PSTPIP2: variants seen among roughly 807,000 people sequenced by gnomAD.
PSTPIP2 encodes proline-serine-threonine phosphatase interacting protein 2.
PSTPIP2 carries 33 observed loss-of-function variants against 63.3 expected under a neutral mutation model. The ratio of observed to expected loss-of-function variants is 0.52; its 90% CI spans 0.40 to 0.70. The LOEUF is 0.70. PSTPIP2 is among the 30% of genes least tolerant of loss of function. PSTPIP2 has a pLI of 0.00. For synonymous variants in PSTPIP2, 125 were observed against 132.7 expected (o/e 0.94, Z 0.40); for missense variants, 312 against 400.7 (o/e 0.78, Z 1.89).
At chr18:46,064,398 C>A (rs1332654384) in intron 1 of PSTPIP2, among the ~76,000 whole-genome samples, 1 of 141,446 alleles carries the variant, frequency 7.1e-6, no homozygotes, top group East Asian at 2.3e-4. Flanking sequence ...CCAGGCGATT[C>A]TCCTGCCACA....
chr18:46,045,389 T>C (rs1908347159), intron 1 of PSTPIP2, among the ~76,000 whole-genome samples: 1 of 152,178 alleles, frequency 6.6e-6, no homozygotes, highest in Non-Finnish European at 1.5e-5. Flanking sequence ...GAAATCATCA[T>C]TCTCAGTAAA....
intron 1 of PSTPIP2, among the ~76,000 whole-genome samples, chr18:46,065,532 T>C (rs572072379): frequency 6.6e-6 from 1 of 152,090 alleles, no homozygotes; most frequent in Non-Finnish European, 1.5e-5. Flanking sequence ...GGTGGTGTGA[T>C]CTTGGCTCAC....
At chr18:46,070,248 A>G (rs1412237406) in intron 1 of PSTPIP2, among the ~76,000 whole-genome samples, 2 of 152,142 alleles carry the variant, frequency 1.3e-5, no homozygotes. Context: ...CAAACCCTGC[A>G]TGTCACCCAC....
chr18:46,023,104 G>A (rs1907433925), intron 3 of PSTPIP2, among the ~76,000 whole-genome samples: 1 of 152,182 alleles, frequency 6.6e-6, no homozygotes, highest in African/African-American at 2.4e-5. Flanking sequence ...ACACACACTG[G>A]TGCCTATCAG....
intron 1 of PSTPIP2, among the ~76,000 whole-genome samples, chr18:46,065,910 G>A (rs577103111): frequency 6.6e-6 from 1 of 151,940 alleles, no homozygotes; most frequent in South Asian, 2.1e-4. Context: ...CCAAAGTTAC[G>A]ATATTTTAAT....
intron 1 of PSTPIP2, among the ~76,000 whole-genome samples, chr18:46,050,344 C>A (rs1019534425): frequency 6.6e-6 from 1 of 152,004 alleles, no homozygotes; most frequent in African/African-American, 2.4e-5. Context: ...CCAAGGTGGG[C>A]GGTTCACTTG....
intron 1 of PSTPIP2, among the ~76,000 whole-genome samples, chr18:46,043,847 C>T (rs536275406): frequency 6.4e-4 from 97 of 151,456 alleles, no homozygotes; most frequent in South Asian, 2.5e-3. Context: ...TTCTATATAC[C>T]GGTGGAAAAA....
intron 6 of PSTPIP2, among the ~76,000 whole-genome samples, chr18:46,004,657 T>C (rs2051705424): frequency 6.6e-6 from 1 of 152,214 alleles, no homozygotes; most frequent in South Asian, 2.1e-4. Context: ...TGCTATATTT[T>C]CTCGGGTTAC....
intron 4 of PSTPIP2, among the ~76,000 whole-genome samples, chr18:46,014,628 G>A (rs566463164): frequency 6.6e-6 from 1 of 152,102 alleles, no homozygotes; most frequent in Non-Finnish European, 1.5e-5. Flanking sequence ...CTGGAGGATC[G>A]CTTAACCCTG....
At chr18:46,060,839 G>T (rs115581010) in intron 1 of PSTPIP2, among the ~76,000 whole-genome samples, 2 of 152,294 alleles carry the variant, frequency 1.3e-5, no homozygotes, top group African/African-American at 4.8e-5. Flanking sequence ...CTTAGTTTCT[G>T]CAGGGAAGGG....
At chr18:45,997,054 C>T (rs2051603429) in intron 9 of PSTPIP2, among the ~76,000 whole-genome samples, 1 of 152,222 alleles carries the variant, frequency 6.6e-6, no homozygotes, top group Non-Finnish European at 1.5e-5. Context: ...CTATTCTATG[C>T]TTGTGCTAAC....
chr18:46,066,522 G>A (rs1021566698), intron 1 of PSTPIP2, among the ~76,000 whole-genome samples: 7 of 152,142 alleles, frequency 4.6e-5, no homozygotes, highest in South Asian at 2.1e-4. Context: ...CTGAGATTAC[G>A]TGGGGAATGG....
At chr18:46,045,278 C>T (rs371411097) in intron 1 of PSTPIP2, among the ~76,000 whole-genome samples, 50 of 152,236 alleles carry the variant, frequency 3.3e-4, no homozygotes, top group African/African-American at 1.2e-3. Flanking sequence ...CCAACAATGA[C>T]AGACTGGATT....
At chr18:46,046,556 G>A (rs116252575) in intron 1 of PSTPIP2, among the ~76,000 whole-genome samples, 1 of 152,290 alleles carries the variant, frequency 6.6e-6, no homozygotes, top group African/African-American at 2.4e-5. Context: ...CCTTCCAAGT[G>A]ACTTGGAATG....
intron 14 of PSTPIP2, 105 bp from the exon 15 acceptor site, chr18:45,985,555 A>G: frequency 6.8e-6 from 8 of 1,173,622 alleles, no homozygotes; most frequent in Non-Finnish European, 9.8e-6. Context: ...CAGGCCAAGG[A>G]AAACAAATGG....
chr18:46,057,922 C>T (rs1164454090), intron 1 of PSTPIP2, among the ~76,000 whole-genome samples: 2 of 149,532 alleles, frequency 1.3e-5, no homozygotes, highest in Non-Finnish European at 3.0e-5. Context: ...GGCGTGAACC[C>T]GGGAGGCGGA....
At chr18:46,052,567 T>TA (rs34500084) in intron 1 of PSTPIP2, among the ~76,000 whole-genome samples, 26,613 of 150,264 alleles carry the variant, frequency 0.18, 2,323 homozygotes, top group East Asian at 0.25. Context: ...AATGTTAATT[T>TA]AAAAAAAAAA....
chr18:45,997,915 A>G (rs1033922877), intron 8 of PSTPIP2, 87 bp from the exon 9 acceptor site: 75 of 1,158,338 alleles, frequency 6.5e-5, no homozygotes, highest in Middle Eastern at 3.9e-4. Flanking sequence ...AGATGGCAAA[A>G]GAAACTCATC....
chr18:45,988,582 A>T (rs1599690512), intron 14 of PSTPIP2, 120 bp downstream of exon 14: 1 of 821,316 alleles, frequency 1.2e-6, no homozygotes, highest in East Asian at 2.6e-5. Flanking sequence ...TGGCCAGTGT[A>T]CCTGCCTCAT....
Sources: allele counts gnomAD v4.1 joint callset (sites outside exome capture counted in the v4.1 genomes callset), GRCh38; gene constraint gnomAD v4.1.1; transcripts MANE v1.5; gene names NCBI Gene and HGNC (gene_info 2026-07-23, HGNC 2026-07-21).